CHN2: variants seen among roughly 807,000 people sequenced by gnomAD.
CHN2 encodes the protein chimerin 2.
Under a neutral mutation model 56.3 loss-of-function variants are expected in CHN2, and 35 were observed. That is an observed-to-expected ratio of 0.62 (90% CI 0.47 to 0.82). The LOEUF (loss-of-function observed/expected upper bound fraction) is 0.82. CHN2 is among the 40% of genes least tolerant of loss of function. CHN2 has a pLI of 0.00. For missense variants in CHN2, 491 were observed against 580.5 expected (o/e 0.85, Z 1.58); for synonymous variants, 210 against 212.8 (o/e 0.99, Z 0.12).
chr7:29,262,691 C>T (rs1359299613), intron 1 of CHN2, among the ~76,000 whole-genome samples: 2 of 151,808 alleles, frequency 1.3e-5, no homozygotes, highest in Admixed American at 6.6e-5. Flanking sequence ...AAAAGAGAAA[C>T]AATTCTGAAG....
intron 6 of CHN2, among the ~76,000 whole-genome samples, chr7:29,450,385 T>A (rs1784323742): frequency 6.6e-6 from 1 of 152,212 alleles, no homozygotes; most frequent in Non-Finnish European, 1.5e-5. Flanking sequence ...GAATCTTGGA[T>A]AATCTTTGTG....
At chr7:29,512,502 C>T in intron 12 of CHN2, 62 bp from the exon 13 acceptor site, 1 of 1,422,076 alleles carries the variant, frequency 7.0e-7, no homozygotes, top group South Asian at 1.4e-5. Flanking sequence ...CATACATAAT[C>T]AATACATAAA....
At chr7:29,244,550 C>G (rs920031088) in intron 1 of CHN2, among the ~76,000 whole-genome samples, 2 of 152,206 alleles carry the variant, frequency 1.3e-5, no homozygotes, top group Non-Finnish European at 2.9e-5. Context: ...TGAGGCTGGA[C>G]CTGCACCACC....
chr7:29,366,485 T>C (rs1004842174), intron 2 of CHN2, among the ~76,000 whole-genome samples: 3 of 152,188 alleles, frequency 2.0e-5, no homozygotes, highest in Non-Finnish European at 4.4e-5. Flanking sequence ...TAGGTGCCAA[T>C]TGGTTGATGA....
chr7:29,255,335 G>C (rs1366685671), intron 1 of CHN2, among the ~76,000 whole-genome samples: 2 of 152,186 alleles, frequency 1.3e-5, no homozygotes, highest in African/African-American at 4.8e-5. Context: ...GGATGACAAA[G>C]GCAGGGCTCC....
At chr7:29,353,087 C>T (rs1029450260) in intron 1 of CHN2, among the ~76,000 whole-genome samples, 1 of 152,160 alleles carries the variant, frequency 6.6e-6, no homozygotes, top group Admixed American at 6.5e-5. Flanking sequence ...GCCTAGGTGG[C>T]TGACTATCCC....
chr7:29,274,695 G>A (rs1791036656), intron 1 of CHN2, among the ~76,000 whole-genome samples: 1 of 152,134 alleles, frequency 6.6e-6, no homozygotes, highest in African/African-American at 2.4e-5. Context: ...GCAGATCAAA[G>A]AGAAGCTATT....
chr7:29,448,261 G>T (rs1241685695), intron 6 of CHN2, among the ~76,000 whole-genome samples: 2 of 148,360 alleles, frequency 1.3e-5, no homozygotes, highest in African/African-American at 4.9e-5. Context: ...AACTTTCTGG[G>T]TTTTTTTTTT....
chr7:29,205,394 T>C (rs1417213576), intron 1 of CHN2, among the ~76,000 whole-genome samples: 3 of 152,302 alleles, frequency 2.0e-5, no homozygotes, highest in Middle Eastern at 6.8e-3. Context: ...CAGCACCAAA[T>C]AGCTCTCAGA....
chr7:29,263,896 G>A (rs527688023), intron 1 of CHN2, among the ~76,000 whole-genome samples: 5,716 of 148,342 alleles, frequency 0.039, 359 homozygotes, highest in African/African-American at 0.14. Context: ...AGTGAGGAGC[G>A]TCTCCGCCCG....
chr7:29,475,696 A>C (rs889840461), intron 6 of CHN2, among the ~76,000 whole-genome samples: 1 of 152,262 alleles, frequency 6.6e-6, no homozygotes, highest in Non-Finnish European at 1.5e-5. Flanking sequence ...AAAAGGAATG[A>C]AGTACTGATA....
intron 1 of CHN2, among the ~76,000 whole-genome samples, chr7:29,328,948 G>A (rs6953992): frequency 0.24 from 36,448 of 152,132 alleles, 4,928 homozygotes; most frequent in Non-Finnish European, 0.31. Context: ...AAACAGTCAT[G>A]GTGCTTATGA....
At chr7:29,451,868 T>G (rs1381983037) in intron 6 of CHN2, among the ~76,000 whole-genome samples, 1 of 152,130 alleles carries the variant, frequency 6.6e-6, no homozygotes, top group Non-Finnish European at 1.5e-5. Flanking sequence ...GCTTTTTTAG[T>G]AGCCACTGAT....
At chr7:29,348,508 A>T (rs542351990) in intron 1 of CHN2, among the ~76,000 whole-genome samples, 1 of 152,082 alleles carries the variant, frequency 6.6e-6, no homozygotes, top group Non-Finnish European at 1.5e-5. Context: ...CCATCCTTTC[A>T]TGAGAGGAGA....
At chr7:29,229,762 G>C (rs1186228112) in intron 1 of CHN2, among the ~76,000 whole-genome samples, 1 of 152,120 alleles carries the variant, frequency 6.6e-6, no homozygotes, top group Non-Finnish European at 1.5e-5. Context: ...AAGATTGTTT[G>C]AGCCCAGAGG....
At chr7:29,281,213 G>A (rs935658167) in intron 1 of CHN2, among the ~76,000 whole-genome samples, 2 of 152,136 alleles carry the variant, frequency 1.3e-5, no homozygotes, top group African/African-American at 2.4e-5. Flanking sequence ...ACCCTTAAAA[G>A]GGTATTTTTT....
intron 6 of CHN2, among the ~76,000 whole-genome samples, chr7:29,453,551 C>T (rs774708748): frequency 1.1e-4 from 17 of 152,230 alleles, no homozygotes; most frequent in African/African-American, 1.7e-4. Flanking sequence ...CGCCCCCCCA[C>T]GCCATAGCAT....
At chr7:29,288,479 A>T (rs1792330386) in intron 1 of CHN2, among the ~76,000 whole-genome samples, 1 of 152,198 alleles carries the variant, frequency 6.6e-6, no homozygotes, top group Admixed American at 6.5e-5. Context: ...GGTTACTCCC[A>T]TCTCTTTTCT....
intron 6 of CHN2, among the ~76,000 whole-genome samples, chr7:29,427,952 G>C (rs1267147791): frequency 6.6e-6 from 1 of 152,112 alleles, no homozygotes; most frequent in Admixed American, 6.5e-5. Context: ...TCCGCATCCG[G>C]CCATTTTTTA....
Sources: gnomAD v4.1 joint callset for allele counts (sites outside exome capture counted in the v4.1 genomes callset) on GRCh38, gnomAD v4.1.1 for gene constraint, MANE v1.5 for transcripts, NCBI Gene and HGNC (gene_info 2026-07-23, HGNC 2026-07-21) for gene names.